The following PSME4 variants were observed in gnomAD, a reference collection of about 807,000 sequenced individuals.
PSME4 encodes the protein proteasome activator subunit 4.
A neutral mutation model predicts 253.9 loss-of-function variants in PSME4; 89 were observed. The ratio of observed to expected loss-of-function variants is 0.35; its 90% CI spans 0.30 to 0.42. The LOEUF (loss-of-function observed/expected upper bound fraction) is 0.42, where lower values mean the gene tolerates loss of function less well. PSME4 is among the 10% of genes least tolerant of loss of function. PSME4 has a pLI of 1.00. For missense variants in PSME4, 2,014 were observed against 2,195.2 expected (o/e 0.92, Z 1.65); for synonymous variants, 851 against 759.2 (o/e 1.12, Z -1.99).
At position 53,873,420 on chromosome 2, in the gene PSME4, T is replaced by C. The variant is rs563258181; in HGVS notation, c.5100+919A>G. On this transcript the variant is annotated intron_variant, in intron 43 of 46. Coordinates refer to ENST00000404125, the MANE Select transcript of PSME4 (RefSeq NM_014614.3). ...CAATACCAATAAGTATATAAAATAC[T>C]GTGAGTACTTTACTACAAGACAAAA... Among the ~76,000 whole-genome samples, 18 of 152,262 alleles carry C rather than the reference T, an allele frequency of 1.2e-4. No individual in the cohort carries two copies. The South Asian group carries it at 3.7e-3, about 32-fold the overall frequency.
intron 24 of PSME4, among the ~76,000 whole-genome samples, chr2:53,907,641 T>C (rs894585417): frequency 5.3e-5 from 8 of 152,190 alleles, no homozygotes; most frequent in African/African-American, 1.9e-4. Flanking sequence ...TTAATGACTC[T>C]CCTACTGCTG....
At chr2:53,874,268 T>G in intron 43 of PSME4, 71 bp downstream of exon 43, 4 of 1,458,464 alleles carry the variant, frequency 2.7e-6, no homozygotes, top group Non-Finnish European at 3.7e-6. Flanking sequence ...CCGCAAATAC[T>G]TATTAAAAAG....
In PSME4 at chr2:53,934,654, G is replaced by C. The variant is rs748242719; in HGVS notation, c.908C>G (p.Thr303Arg). ...SSQVLVPRFL[T>R]NAYDIGHAVI... is the part of the protein sequence containing the mutation. ...AGCATGTCCTATATCATAAGCATTTGTTAAAAATCTTGGGACTAACACTTG... is the reference window on the plus strand; with the variant it reads ...AGCATGTCCTATATCATAAGCATTTCTTAAAAATCTTGGGACTAACACTTG... The change falls in exon 8 of 47, where the codon ACA becomes AGA. Residue 303 changes from threonine to arginine, a missense_variant. Thr to Arg is a moderately conservative substitution (Grantham distance 71). This residue lies in a region of PSME4 where 615 missense variants were observed against 594.4 expected (regional missense o/e 1.03). Coordinates refer to ENST00000404125, the MANE Select transcript of PSME4 (RefSeq NM_014614.3). 6.2e-7 allele frequency: 1 copy of C among 1,612,154 alleles called. No individual in the cohort carries two copies. The highest frequency in any genetic ancestry group is 1.3e-5 in the African/African-American group (1 of 74,864).
chr2:53,920,373 C>A (rs980261415), intron 18 of PSME4, 23 bp from the exon 19 acceptor site: 1 of 1,553,112 alleles, frequency 6.4e-7, no homozygotes, highest in Non-Finnish European at 8.7e-7. Context: ...AGCATCTACT[C>A]AGCAAGTTGA....
chr2:53,903,787 C>T (rs529420981), intron 27 of PSME4, among the ~76,000 whole-genome samples: 29 of 152,194 alleles, frequency 1.9e-4, no homozygotes, highest in Non-Finnish European at 3.7e-4. Flanking sequence ...AATAATGAGT[C>T]TCCTCATATT....
At chr2:53,928,974 T>C (rs1309077474) in intron 10 of PSME4, among the ~76,000 whole-genome samples, 4 of 152,110 alleles carry the variant, frequency 2.6e-5, no homozygotes, top group Non-Finnish European at 5.9e-5. Context: ...GAGACCAGCC[T>C]GGCCAACATG....
rs1413977060 is a variant in PSME4 at position 53,897,982 on chromosome 2, T to C, written c.3494A>G (p.His1165Arg). 6.2e-7 allele frequency: 1 copy of C among 1,613,924 alleles called. No homozygotes were observed. Among genetic ancestry groups the C allele is most frequent in the African/African-American group, 1.3e-5 (1 of 75,044 alleles). ...TAGAGACAGAAGCCCAATGCCTATA[T>C]GTTCAAATTTCCAGGGCCTTAAAAG... ...EQRNLPWKFE[H>R]IGIGLLSLLL... The change falls in exon 31 of 47, where the codon CAT becomes CGT. Residue 1165 changes from histidine (H) to arginine (R), a missense_variant. Coordinates refer to ENST00000404125, the MANE Select transcript of PSME4 (RefSeq NM_014614.3).
At chr2:53,876,936 T>A (rs114627665) in intron 41 of PSME4, among the ~76,000 whole-genome samples, 1 of 151,696 alleles carries the variant, frequency 6.6e-6, no homozygotes, top group African/African-American at 2.4e-5. Flanking sequence ...TTGCCCAGAT[T>A]GGTCTCAAAC....
rs756498185 is a variant in PSME4 at position 53,895,119 on chromosome 2, AT to A, written c.3843-44del. The A allele has an allele frequency of 8.9e-5, 135 of 1,525,232 alleles. 1 individual carries two copies. Among genetic ancestry groups the A allele is most frequent in the Middle Eastern group, 7.0e-4 (4 of 5,742 alleles). 94.5% of individuals were successfully genotyped at this position (1,525,232 alleles called of 1,614,324 possible). On this transcript the variant is annotated intron_variant, in intron 33 of 46. Transcript: ENST00000404125. ...ATATTTATCATACGCATAGAAAAAA[AT>A]ATTAGAGCTTCATGGATAGAAAGCA...
intron 36 of PSME4, among the ~76,000 whole-genome samples, 187 bp downstream of exon 36, chr2:53,892,621 T>C (rs998728969): frequency 6.6e-6 from 1 of 152,156 alleles, no homozygotes; most frequent in Non-Finnish European, 1.5e-5. Flanking sequence ...AATTTAAAGA[T>C]AGTAAATGTT....
chr2:53,923,990 A>C (rs1668450006), intron 14 of PSME4, among the ~76,000 whole-genome samples: 1 of 151,936 alleles, frequency 6.6e-6, no homozygotes, highest in South Asian at 2.1e-4. Context: ...TACACATAAA[A>C]TTATACCTGG....
rs183996029 is a variant in PSME4 at position 53,904,644 on chromosome 2, T to A, written c.2944-488A>T. Among the ~76,000 whole-genome samples, 350 of 152,278 alleles carry A rather than the reference T, an allele frequency of 2.3e-3. 1 individual carries two copies. Among genetic ancestry groups the A allele is most frequent in the African/African-American group, 8.1e-3 (335 of 41,558 alleles). ...ACATATTTTTGACCCAAACAAAATA[T>A]TCAGTATAAATTTACAACTTATGAA... On this transcript the variant is annotated intron_variant, in intron 26 of 46. Coordinates refer to ENST00000404125, the MANE Select transcript of PSME4 (RefSeq NM_014614.3).
rs1428916260 is a variant in PSME4 at position 53,874,327 on chromosome 2, C to T, written c.5100+12G>A. 2 of 1,602,702 alleles carry T rather than the reference C, an allele frequency of 1.2e-6. No homozygotes were observed. The highest frequency in any genetic ancestry group is 1.4e-5 in the African/African-American group (1 of 73,978). ...TTGACTGAATTTCCGTTTTCTATAA[C>T]TTAAATTTTACCTCCAGTTGTTCGT... On this transcript the variant is annotated intron_variant, in intron 43 of 46. Transcript: ENST00000404125.
chr2:53,919,183 T>A lies in PSME4; in HGVS notation c.2484A>T (p.Leu828=), dbSNP rs772789209. 4 of 1,612,170 alleles carry A rather than the reference T, an allele frequency of 2.5e-6. No individual in the cohort carries two copies. The highest frequency in any genetic ancestry group is 1.7e-5 in the Admixed American group (1 of 59,742). Reference sequence around the variant, plus strand: ...TAACTGGCTCTCCTTTCAACGGAGGTAGGAGGTTTCCAGAGCCAATTAAAC... The same window carrying A: ...TAACTGGCTCTCCTTTCAACGGAGGAAGGAGGTTTCCAGAGCCAATTAAAC... ...HNCLIGSGNL[L]PPLKGEPVTN... is the part of the protein sequence containing the mutation. The change falls in exon 20 of 47, where the codon CTA becomes CTT. Residue 828 remains leucine, a synonymous_variant. Transcript: ENST00000404125.
rs1667689446 is a variant in PSME4 at position 53,908,811 on chromosome 2, T to C, written c.2602A>G (p.Ile868Val). The change falls in exon 22 of 47, where the codon ATT becomes GTT. Residue 868 changes from isoleucine (I) to valine (V), a missense_variant. Physicochemically the swap from Ile to Val is conservative, Grantham distance 29. Around this residue, in one of 4 missense-constraint regions of PSME4, gnomAD observed 989 missense variants for 1,021.1 expected, o/e 0.97. Coordinates refer to ENST00000404125, the MANE Select transcript of PSME4 (RefSeq NM_014614.3). ...DLSRENHREV[I>V]ATVIRKLLNH... ...AGAAGTTTCCTTATAACTGTAGCAA[T>C]TACTTCTCGGTGGTTCTCTCGAGAC... 1.2e-6 allele frequency: 2 copies of C among 1,605,206 alleles called. No individual in the cohort carries two copies.
chr2:53,866,312 T>C (rs1678562282), intron 45 of PSME4, 89 bp from the exon 46 acceptor site: 7 of 1,395,404 alleles, frequency 5.0e-6, no homozygotes, highest in Non-Finnish European at 6.8e-6. Flanking sequence ...ACCGTCCCTC[T>C]AGACTTCAGA....
Position 53,866,848 on chromosome 2 carries a change from G to C in PSME4, c.5296C>G (p.Leu1766Val). 6.2e-7 allele frequency: 1 copy of C among 1,614,100 alleles called. No individual in the cohort carries two copies. The highest frequency in any genetic ancestry group is 1.1e-5 in the South Asian group (1 of 91,064). The change falls in exon 45 of 47, where the codon CTT (leucine) becomes GTT (valine). Residue 1766 changes from leucine (L) to valine (V), a missense_variant. By Grantham distance (32) the Leu-to-Val change is conservative (BLOSUM62 1). Coordinates refer to ENST00000404125, the MANE Select transcript of PSME4 (RefSeq NM_014614.3). ...LVKRHAGVLGLGACVLSSPYD... is the reference protein window; with the variant it reads ...LVKRHAGVLGVGACVLSSPYD... ...GGACTAGAAAGAACACATGCACCAA[G>C]TCCTAGCACCCCAGCATGGCGTTTG... is the stretch of plus-strand genomic sequence containing the variant.
intron 13 of PSME4, 70 bp downstream of exon 13, chr2:53,925,889 T>G: frequency 6.7e-7 from 1 of 1,484,582 alleles, no homozygotes; most frequent in Non-Finnish European, 9.4e-7. Flanking sequence ...AGAAATAAAC[T>G]AAACTTTCTG....
intron 41 of PSME4, among the ~76,000 whole-genome samples, chr2:53,876,809 T>C (rs1294961709): frequency 1.3e-5 from 2 of 148,672 alleles, no homozygotes; most frequent in Non-Finnish European, 3.0e-5. Flanking sequence ...GCCTCAACTT[T>C]CTGGGGTCGG....
Sources: gnomAD v4.1 joint callset for allele counts (sites outside exome capture counted in the v4.1 genomes callset) on GRCh38, gnomAD v4.1.1 for gene constraint, gnomAD v4.1.1 regional missense constraint, MANE v1.5 for transcripts, NCBI Gene and HGNC (gene_info 2026-07-23, HGNC 2026-07-21) for gene names.